DOCK6: variants seen among roughly 807,000 people sequenced by gnomAD.
DOCK6 encodes the protein dedicator of cytokinesis 6.
DOCK6 carries 167 observed loss-of-function variants against 230.3 expected under a neutral mutation model. The ratio of observed to expected loss-of-function variants is 0.73; its 90% CI spans 0.64 to 0.82. DOCK6 has a LOEUF of 0.82. DOCK6 is among the 40% of genes least tolerant of loss of function. The pLI, the probability that DOCK6 is intolerant of heterozygous loss-of-function variation, is 0.00. For synonymous variants in DOCK6, 1,148 were observed against 1,185.0 expected, an observed-to-expected ratio of 0.97 and a Z score of 0.64; for missense variants, 2,598 against 2,825.8, an observed-to-expected ratio of 0.92 and a Z score of 1.83.
rs761549734 is a variant in DOCK6 at position 11,245,879 on chromosome 19, C to T, written c.807-1G>A. On this transcript the variant is annotated splice_acceptor_variant, in intron 7 of 47. Coordinates refer to ENST00000294618, the MANE Select transcript of DOCK6 (RefSeq NM_020812.4). LOFTEE classifies it high-confidence loss of function. The stretch of plus-strand genomic sequence containing the variant: ...GATGGGCTCAATTTCAATCTCGAAC[C>T]TACAAGTAAATGGGAGGGAGGGGGC... 5 of 1,559,944 alleles carry T rather than the reference C, an allele frequency of 3.2e-6. No homozygotes were observed. Among genetic ancestry groups the T allele is most frequent in the East Asian group, 2.4e-5 (1 of 41,748 alleles).
chr19:11,202,590 C>A lies in DOCK6; in HGVS notation c.5355G>T (p.Arg1785=), dbSNP rs746603419. The A allele has an allele frequency of 6.2e-7, 1 of 1,614,042 alleles. No individual in the cohort carries two copies. The highest frequency in any genetic ancestry group is 2.2e-5 in the East Asian group (1 of 44,880). The change falls in exon 42 of 48, where the codon CGG becomes CGT. Residue 1785 remains arginine, a synonymous_variant. Transcript: ENST00000294618. The surrounding 1 kb of genome is among the most constrained non-coding windows in gnomAD (Gnocchi z 5.3). The part of the protein sequence containing the change: ...SITKLAEISH[R]LEEFYTERFG... Reference sequence around the variant, plus strand: ...CCCAACCACAAGGACGTGCCTCCAGCCGGTGTGAGATCTCTGCCAGCTTCG... The same window carrying A: ...CCCAACCACAAGGACGTGCCTCCAGACGGTGTGAGATCTCTGCCAGCTTCG...
At position 11,217,932 on chromosome 19, in the gene DOCK6, A is replaced by G. The variant is rs367718621; in HGVS notation, c.3551-541T>C. Among the ~76,000 whole-genome samples the G allele has an allele frequency of 1.7e-4, 25 of 150,924 alleles. No individual in the cohort carries two copies. In the East Asian group the frequency reaches 4.6e-3, roughly 28 times the overall value. ...AGTGGCCTGATCTCAGCTCACTGCA[A>G]CCTCCGCCCCCCAGGTTCAAGCAAT... On this transcript the variant is annotated intron_variant, in intron 28 of 47. Coordinates refer to ENST00000294618, the MANE Select transcript of DOCK6 (RefSeq NM_020812.4).
intron 9 of DOCK6, among the ~76,000 whole-genome samples, chr19:11,244,942 G>A (rs1217152041): frequency 1.3e-5 from 2 of 152,158 alleles, no homozygotes; most frequent in African/African-American, 4.8e-5. Flanking sequence ...CTCTGGGCAT[G>A]GCTCTGAGCC....
In DOCK6 at chr19:11,235,716, G is replaced by A; in HGVS notation, c.2436C>T (p.Val812=). 6.3e-7 allele frequency: 1 copy of A among 1,599,574 alleles called. No homozygotes were observed. Residue 812 remains valine, a synonymous_variant, in exon 21 of 48, where the codon GTC becomes GTT. Coordinates refer to ENST00000294618, the MANE Select transcript of DOCK6 (RefSeq NM_020812.4). Reference sequence around the variant, plus strand: ...CCTCCAGGCTCCGGTGAACAAGGCTGACTACATGGGCCATTGCTTCAAAGG... The same window carrying A: ...CCTCCAGGCTCCGGTGAACAAGGCTAACTACATGGGCCATTGCTTCAAAGG... The part of the protein sequence containing the change: ...RGAFEAMAHV[V]SLVHRSLEAA...
At position 11,211,850 on chromosome 19, in the gene DOCK6, G is replaced by A. The variant is rs2079391613; in HGVS notation, c.4677C>T (p.His1559=). The change falls in exon 37 of 48, where the codon CAC becomes CAT. Residue 1559 remains histidine (H), a synonymous_variant. Coordinates refer to ENST00000294618, the MANE Select transcript of DOCK6 (RefSeq NM_020812.4). ...EQVQDLMFNL[H]MILTDTVKMK... is the part of the protein sequence containing the mutation. ...TCTTCACCGTGTCCGTCAGGATCAT[G>A]TGCAGGTTGAACATCAGGTCCTGGA... The A allele has an allele frequency of 1.3e-6, 2 of 1,552,914 alleles. No individual in the cohort carries two copies. The highest frequency in any genetic ancestry group is 2.0e-5 in the Admixed American group (1 of 51,058).
chr19:11,229,549 C>A (rs1440190380), intron 22 of DOCK6, among the ~76,000 whole-genome samples: 1 of 151,986 alleles, frequency 6.6e-6, no homozygotes, highest in Non-Finnish European at 1.5e-5. Flanking sequence ...GGACCAGGGC[C>A]ATGGATGCCA....
At chr19:11,250,815 A>ATGGGTATACAATAG in intron 6 of DOCK6, 59 bp downstream of exon 6, 1 of 1,499,894 alleles carries the variant, frequency 6.7e-7, no homozygotes, top group Admixed American at 1.8e-5. Flanking sequence ...ATAAACATGA[A>ATGGGTATACAATAG]GTATACAATA....
At position 11,221,878 on chromosome 19, in the gene DOCK6, T is replaced by C; in HGVS notation, c.3523A>G (p.Thr1175Ala). Reference protein sequence around the residue: ...YLPLLSIARDTLPRLHDFAEG... With the variant: ...YLPLLSIARDALPRLHDFAEG... The stretch of plus-strand genomic sequence containing the variant: ...GCAAAGTCATGCAGCCGTGGCAAGG[T>C]ATCCCGTGCAATCGATAGCAGTGGC... Residue 1175 changes from threonine to alanine, a missense_variant, in exon 28 of 48, where the codon ACC (threonine) becomes GCC (alanine). Thr to Ala is a moderately conservative substitution (Grantham distance 58). Coordinates refer to ENST00000294618, the MANE Select transcript of DOCK6 (RefSeq NM_020812.4). 1 of 1,613,710 alleles carries C rather than the reference T, an allele frequency of 6.2e-7. No individual in the cohort carries two copies. Among genetic ancestry groups the C allele is most frequent in the Non-Finnish European group, 8.5e-7 (1 of 1,179,896 alleles).
At chr19:11,238,012 GCCC>G in intron 16 of DOCK6, 30 bp downstream of exon 16, 1 of 1,610,710 alleles carries the variant, frequency 6.2e-7, no homozygotes. Context: ...CCCCATGAGT[GCCC>G]CCAAGTTCCT....
At chr19:11,215,287 A>C (rs1038092296) in intron 32 of DOCK6, 100 bp downstream of exon 32, 1 of 1,066,340 alleles carries the variant, frequency 9.4e-7, no homozygotes, top group African/African-American at 1.5e-5. Flanking sequence ...GGGTCTTACT[A>C]TGTTGCCCAG....
In DOCK6 at chr19:11,199,301, A is replaced by G. The variant is rs2079125475; in HGVS notation, c.*196T>C. The G allele has an allele frequency of 1.5e-6, 1 of 677,570 alleles. No homozygotes were observed. The highest frequency in any genetic ancestry group is 2.8e-5 in the Admixed American group (1 of 35,282). 42.0% of individuals were successfully genotyped at this position (677,570 alleles called of 1,614,324 possible). On this transcript the variant is annotated 3_prime_UTR_variant, in exon 48 of 48. Transcript: ENST00000294618. Reference sequence around the variant, plus strand: ...CCGCACCACATGGCACAGGTTGCTTATAAAAACCATTTTAAATTAAAAAAG... The same window carrying G: ...CCGCACCACATGGCACAGGTTGCTTGTAAAAACCATTTTAAATTAAAAAAG...
intron 3 of DOCK6, 112 bp downstream of exon 3, chr19:11,252,671 A>G: frequency 6.3e-7 from 1 of 1,596,520 alleles, no homozygotes; most frequent in Non-Finnish European, 8.6e-7. Context: ...TCAGAGAAAA[A>G]GCATGGCTTG....
intron 22 of DOCK6, chr19:11,232,394 T>TATG: frequency 3.5e-6 from 3 of 854,678 alleles, no homozygotes; most frequent in Non-Finnish European, 4.9e-6. Flanking sequence ...TGCCCACATG[T>TATG]GCACCTACAC....
chr19:11,237,999 T>C (rs2147834352), intron 16 of DOCK6, 46 bp downstream of exon 16: 1 of 1,604,404 alleles, frequency 6.2e-7, no homozygotes, highest in East Asian at 2.2e-5. Flanking sequence ...GACATCCTCC[T>C]ACCCCCATGA....
chr19:11,256,329 G>A (rs1213042546), intron 1 of DOCK6, among the ~76,000 whole-genome samples: 1 of 152,216 alleles, frequency 6.6e-6, no homozygotes, highest in African/African-American at 2.4e-5. Context: ...CTGCTCCAGA[G>A]GAGGGAGAGG....
chr19:11,208,559 G>A lies in DOCK6; in HGVS notation c.5088+127C>T, dbSNP rs539735967. On this transcript the variant is annotated intron_variant, in intron 39 of 47. Coordinates refer to ENST00000294618, the MANE Select transcript of DOCK6 (RefSeq NM_020812.4). ...CTCCCAAAGTGCTGGGGTTACAGGC[G>A]TGAGCCACCGCGCCCAGCCTATTCT... 1.9e-4 allele frequency: 256 copies of A among 1,363,480 alleles called. No homozygotes were observed. In the African/African-American group the frequency reaches 3.2e-3, roughly 17 times the overall value. 84.5% of individuals were successfully genotyped at this position (1,363,480 alleles called of 1,614,324 possible). A position where few individuals can be genotyped will look rare whatever the true frequency, so the allele number is the denominator to read the frequency against.
intron 14 of DOCK6, chr19:11,240,079 T>G (rs1408039350): frequency 6.5e-7 from 1 of 1,549,676 alleles, no homozygotes; most frequent in Non-Finnish European, 8.7e-7. Context: ...GGCAAGTCCT[T>G]AGGTACACAA....
At chr19:11,216,079 C>A (rs2079481983) in intron 30 of DOCK6, 152 bp from the exon 31 acceptor site, 6 of 951,132 alleles carry the variant, frequency 6.3e-6, no homozygotes, top group African/African-American at 3.4e-5. Context: ...TTAGCACTTA[C>A]CAAAAAAAAA....
At chr19:11,216,839 AG>A in intron 30 of DOCK6, 74 bp downstream of exon 30, 1 of 1,488,490 alleles carries the variant, frequency 6.7e-7, no homozygotes, top group South Asian at 1.1e-5. Context: ...CTTCCCACTC[AG>A]CCCGCAGCAC....
Sources: allele counts gnomAD v4.1 joint callset (sites outside exome capture counted in the v4.1 genomes callset), GRCh38; gene constraint gnomAD v4.1.1; non-coding constraint Gnocchi (gnomAD v3.1); transcripts MANE v1.5; gene names NCBI Gene and HGNC (gene_info 2026-07-23, HGNC 2026-07-21).